The following PSKH1 variants were observed in gnomAD, a reference collection of about 807,000 sequenced individuals.
PSKH1 encodes the protein protein serine kinase H1.
A neutral mutation model predicts 26.7 loss-of-function variants in PSKH1; 12 were observed. The ratio of observed to expected loss-of-function variants is 0.45; its 90% CI spans 0.29 to 0.73. The LOEUF is 0.73. PSKH1 is among the 30% of genes least tolerant of loss of function. The probability of loss-of-function intolerance (pLI) is 0.11; values close to 1 mark genes in which losing one functional copy is unlikely to be tolerated. For missense variants in PSKH1, 431 were observed against 595.2 expected, an observed-to-expected ratio of 0.72 and a Z score of 2.87; for synonymous variants, 213 against 234.3, an observed-to-expected ratio of 0.91 and a Z score of 0.83.
chr16:67,924,455 C>A (rs2058210881), intron 2 of PSKH1, among the ~76,000 whole-genome samples: 1 of 152,204 alleles, frequency 6.6e-6, no homozygotes, highest in Non-Finnish European at 1.5e-5. Context: ...ACACTTAAGA[C>A]CATAGGGCTG....
At chr16:67,896,535 CT>C (rs959626962) in intron 1 of PSKH1, among the ~76,000 whole-genome samples, 229 of 80,970 alleles carry the variant, frequency 2.8e-3, no homozygotes, top group African/African-American at 4.3e-3. Context: ...TAGTGTGCTT[CT>C]TTTTTTTTTT....
At chr16:67,898,771 T>C (rs891629693) in intron 1 of PSKH1, among the ~76,000 whole-genome samples, 3 of 151,838 alleles carry the variant, frequency 2.0e-5, no homozygotes, top group Admixed American at 1.3e-4. Context: ...TACAGGCATG[T>C]GCCACCACAC....
At chr16:67,898,300 G>A (rs187462287) in intron 1 of PSKH1, among the ~76,000 whole-genome samples, 2 of 152,290 alleles carry the variant, frequency 1.3e-5, no homozygotes, top group South Asian at 2.1e-4. Context: ...TAGGTACTCG[G>A]GGGCTGAGGC....
At chr16:67,898,193 A>G (rs1426681876) in intron 1 of PSKH1, among the ~76,000 whole-genome samples, 1 of 152,070 alleles carries the variant, frequency 6.6e-6, no homozygotes, top group African/African-American at 2.4e-5. Flanking sequence ...AGAGGCCAAG[A>G]CAGGCAGATC....
Position 67,900,262 on chromosome 16 carries a change from A to C in PSKH1, c.-71+6891A>C, listed in dbSNP as rs1192605685. Among the ~76,000 whole-genome samples, 4 of 152,130 alleles carry C rather than the reference A, an allele frequency of 2.6e-5. No individual in the cohort carries two copies. The East Asian group carries it at 7.7e-4, about 29-fold the overall frequency. ...TAGGCGTGAGCCACTGCGCCCGGCC[A>C]GACCACATTTCATTTGCTCTGAGTT... On this transcript the variant is annotated intron_variant, in intron 1 of 2. Coordinates refer to ENST00000291041, the MANE Select transcript of PSKH1 (RefSeq NM_006742.3).
At chr16:67,914,266 C>T (rs374800005) in intron 2 of PSKH1, among the ~76,000 whole-genome samples, 7 of 151,980 alleles carry the variant, frequency 4.6e-5, no homozygotes, top group Non-Finnish European at 1.0e-4. Flanking sequence ...TCTCCTGCCT[C>T]GGCCTCCCAA....
intron 1 of PSKH1, among the ~76,000 whole-genome samples, chr16:67,897,872 G>A (rs2058130776): frequency 6.6e-6 from 1 of 151,406 alleles, no homozygotes; most frequent in Non-Finnish European, 1.5e-5. Flanking sequence ...TTTTGAGACG[G>A]AGTCTTGCTT....
chr16:67,924,929 A>C (rs1394380442), intron 2 of PSKH1, among the ~76,000 whole-genome samples: 5 of 152,166 alleles, frequency 3.3e-5, no homozygotes, highest in African/African-American at 1.2e-4. Context: ...CCTTGTGTTC[A>C]GGAGGCAACC....
At chr16:67,906,270 C>A (rs1051910638) in intron 1 of PSKH1, among the ~76,000 whole-genome samples, 3 of 151,808 alleles carry the variant, frequency 2.0e-5, no homozygotes, top group Non-Finnish European at 4.4e-5. Flanking sequence ...CAGGGTTTCA[C>A]CATGTTGGCC....
chr16:67,927,137 ACT>A lies in PSKH1; in HGVS notation c.958-186_958-185del, dbSNP rs897599589. On this transcript the variant is annotated intron_variant, in intron 2 of 2. Coordinates refer to ENST00000291041, the MANE Select transcript of PSKH1 (RefSeq NM_006742.3). This position sits in a 1 kb window ranked among gnomAD's most constrained non-coding sequence, Gnocchi z 5.5. ...CACAGGTCCTTTCCTTCCTTGCCAG[ACT>A]CCATCACCTGGAGAGCAGCCCTTGT... Among the ~76,000 whole-genome samples the A allele has an allele frequency of 6.6e-6, 1 of 151,916 alleles. No individual in the cohort carries two copies. Among genetic ancestry groups the A allele is most frequent in the Non-Finnish European group, 1.5e-5 (1 of 67,978 alleles).
intron 2 of PSKH1, among the ~76,000 whole-genome samples, chr16:67,921,621 C>G (rs1011615240): frequency 6.6e-6 from 1 of 152,110 alleles, no homozygotes; most frequent in Non-Finnish European, 1.5e-5. Context: ...AAAAACCAGG[C>G]TGGGCCCTGG....
In PSKH1 at chr16:67,927,238, AGGGGAG is replaced by A. The variant is rs911821435; in HGVS notation, c.958-84_958-79del. On this transcript the variant is annotated intron_variant, in intron 2 of 2. Transcript: ENST00000291041. The surrounding 1 kb of genome is among the most constrained non-coding windows in gnomAD (Gnocchi z 5.5). ...GGAGGGGCAGCACCTCTCTCTGGAA[AGGGGAG>A]GGTTGCTGAGTAGTGGCCTCATCCA... 2 of 1,333,992 alleles carry A rather than the reference AGGGGAG, an allele frequency of 1.5e-6. No individual in the cohort carries two copies. Among genetic ancestry groups the A allele is most frequent in the African/African-American group, 2.9e-5 (2 of 68,388 alleles). The allele number at this position is 1,333,992 out of a possible 1,614,324, so 82.6% of individuals were successfully genotyped here. A position where few individuals can be genotyped will look rare whatever the true frequency, so the allele number is the denominator to read the frequency against.
intron 2 of PSKH1, among the ~76,000 whole-genome samples, chr16:67,926,322 T>C (rs1043004459): frequency 1.2e-4 from 18 of 152,356 alleles, no homozygotes; most frequent in South Asian, 6.2e-4. Flanking sequence ...TGTCTGAGCC[T>C]GTGCCTACTG....
intron 2 of PSKH1, among the ~76,000 whole-genome samples, chr16:67,916,088 C>G (rs552362611): frequency 6.6e-6 from 1 of 152,148 alleles, no homozygotes; most frequent in African/African-American, 2.4e-5. Context: ...CCCACCCACT[C>G]CAGCCATCTG....
At chr16:67,899,637 A>G (rs1389755546) in intron 1 of PSKH1, among the ~76,000 whole-genome samples, 3 of 144,134 alleles carry the variant, frequency 2.1e-5, no homozygotes, top group African/African-American at 7.9e-5. Context: ...GCCAGCCCAC[A>G]TTTCTTTTAT....
intron 2 of PSKH1, among the ~76,000 whole-genome samples, chr16:67,924,000 G>A (rs1354601709): frequency 2.6e-5 from 4 of 152,194 alleles, no homozygotes; most frequent in Admixed American, 6.5e-5. Flanking sequence ...ACTTTTCTAA[G>A]CCCTGTGGGA....
intron 1 of PSKH1, among the ~76,000 whole-genome samples, chr16:67,903,328 G>T (rs1358871658): frequency 6.6e-6 from 1 of 152,046 alleles, no homozygotes; most frequent in Non-Finnish European, 1.5e-5. Flanking sequence ...TTTAAAAAAT[G>T]TTTGGCAGAG....
chr16:67,908,414 T>C (rs2058162604), intron 1 of PSKH1, among the ~76,000 whole-genome samples: 1 of 152,154 alleles, frequency 6.6e-6, no homozygotes. Context: ...GGATTACAGA[T>C]GTGTGCCACC....
chr16:67,910,105 G>GTT (rs374880192), intron 2 of PSKH1: 127 of 356,170 alleles, frequency 3.6e-4, no homozygotes, highest in Non-Finnish European at 4.8e-4. Context: ...TTTTTGTTTT[G>GTT]TTTTTTTTTT....
Sources: gnomAD v4.1 joint callset for allele counts (sites outside exome capture counted in the v4.1 genomes callset) on GRCh38, gnomAD v4.1.1 for gene constraint, Gnocchi (gnomAD v3.1) non-coding constraint, MANE v1.5 for transcripts, NCBI Gene and HGNC (gene_info 2026-07-23, HGNC 2026-07-21) for gene names.